The following KIF20B variants were observed in gnomAD, a reference collection of about 807,000 sequenced individuals.
The protein encoded by KIF20B is kinesin family member 20B, also known as kinesin-like protein KIF20B.
Under a neutral mutation model 232.5 loss-of-function variants are expected in KIF20B, and 188 were observed. The ratio of observed to expected loss-of-function variants is 0.81; its 90% CI spans 0.72 to 0.91. The LOEUF (loss-of-function observed/expected upper bound fraction) is 0.91, where lower values mean the gene tolerates loss of function less well. Among genes scored for constraint, KIF20B ranks in the 40% least tolerant of loss-of-function variants. KIF20B has a pLI of 0.00. For synonymous variants in KIF20B, 712 were observed against 683.0 expected (o/e 1.04, Z -0.66); for missense variants, 2,154 against 2,055.9 (o/e 1.05, Z -0.92).
At chr10:89,738,658 G>A in intron 20 of KIF20B, 41 bp downstream of exon 20, 3 of 1,503,536 alleles carry the variant, frequency 2.0e-6, no homozygotes, top group South Asian at 1.4e-5. Context: ...AATACACAAA[G>A]CATTCATTTT....
intron 13 of KIF20B, among the ~76,000 whole-genome samples, chr10:89,723,348 CTTTA>C (rs1843107564): frequency 6.6e-6 from 1 of 151,908 alleles, no homozygotes; most frequent in Admixed American, 6.6e-5. Context: ...TTATTTATTG[CTTTA>C]TTTATATATT....
At chr10:89,764,949 T>C (rs1191048575) in intron 29 of KIF20B, among the ~76,000 whole-genome samples, 5 of 151,704 alleles carry the variant, frequency 3.3e-5, no homozygotes, top group African/African-American at 9.7e-5. Flanking sequence ...GCTTTTGGTG[T>C]TTTAGACATG....
At chr10:89,725,225 C>T (rs1380930732) in intron 15 of KIF20B, 67 bp downstream of exon 15, 3 of 1,354,902 alleles carry the variant, frequency 2.2e-6, no homozygotes, top group Admixed American at 1.9e-5. Flanking sequence ...TGTACCACAT[C>T]AATGATGAGA....
intron 2 of KIF20B, among the ~76,000 whole-genome samples, chr10:89,706,682 A>G (rs1195461668): frequency 6.6e-6 from 1 of 151,850 alleles, no homozygotes; most frequent in African/African-American, 2.4e-5. Context: ...ATCTATTGAA[A>G]AGACTTTCCT....
At chr10:89,767,788 G>A (rs1263661727) in intron 29 of KIF20B, among the ~76,000 whole-genome samples, 1 of 151,218 alleles carries the variant, frequency 6.6e-6, no homozygotes, top group Non-Finnish European at 1.5e-5. Context: ...ATTGTCAAAT[G>A]TCAATGAGAG....
chr10:89,713,438 T>TA (rs34298097), intron 6 of KIF20B, among the ~76,000 whole-genome samples: 15 of 150,960 alleles, frequency 9.9e-5, no homozygotes, highest in South Asian at 2.1e-4. Flanking sequence ...ATTAAAATGT[T>TA]AAAAAAAAAT....
At chr10:89,702,776 T>G (rs10082422) in intron 1 of KIF20B, among the ~76,000 whole-genome samples, 46,788 of 149,874 alleles carry the variant, frequency 0.31, 8,215 homozygotes, top group African/African-American at 0.47. Flanking sequence ...TTTTTTGGAA[T>G]AGTATTTTCT....
In KIF20B at chr10:89,705,313, C is replaced by A. The variant is rs776275732; in HGVS notation, c.19C>A (p.Gln7Lys). Residue 7 changes from glutamine (Q) to lysine (K), a missense_variant, in exon 2 of 33, where the codon CAA (glutamine) becomes AAA (lysine). Gln to Lys is a moderately conservative substitution (Grantham distance 53). Coordinates refer to ENST00000371728, the MANE Select transcript of KIF20B (RefSeq NM_001284259.2). ...TTGCAGAATGGAATCTAATTTTAAT[C>A]AAGAGGGAGTACCTCGACCATCTTA... MESNFN[Q>K]EGVPRPSYVF... 1.9e-6 allele frequency: 3 copies of A among 1,613,578 alleles called. No individual in the cohort carries two copies. The highest frequency in any genetic ancestry group is 2.5e-6 in the Non-Finnish European group (3 of 1,179,858).
chr10:89,723,841 A>G (rs1439039226), intron 13 of KIF20B, 123 bp from the exon 14 acceptor site: 1 of 841,180 alleles, frequency 1.2e-6, no homozygotes, highest in Non-Finnish European at 1.6e-6. Context: ...CATTATCACT[A>G]TTAAAAAGGA....
intron 14 of KIF20B, 91 bp downstream of exon 14, chr10:89,724,194 GT>G: frequency 8.1e-7 from 1 of 1,231,604 alleles, no homozygotes; most frequent in African/African-American, 1.6e-5. Flanking sequence ...TTTATATTAG[GT>G]GGCTTCTGAA....
rs1166808244 is a variant in KIF20B at position 89,741,942 on chromosome 10, A to C, written c.3916-1866A>C. 2.0e-5 allele frequency among the ~76,000 whole-genome samples: 3 copies of C among 152,218 alleles called. No individual in the cohort carries two copies. In the East Asian group the frequency reaches 5.8e-4, roughly 29 times the overall value. On this transcript the variant is annotated intron_variant, in intron 21 of 32. Coordinates refer to ENST00000371728, the MANE Select transcript of KIF20B (RefSeq NM_001284259.2). Reference sequence around the variant, plus strand: ...TGTTCAAGTAACTTTTATTTTACTTAATAATGGTCTCAACATGCAAAAGTA... The same window carrying C: ...TGTTCAAGTAACTTTTATTTTACTTCATAATGGTCTCAACATGCAAAAGTA...
intron 23 of KIF20B, 137 bp from the exon 24 acceptor site, chr10:89,751,206 GAAT>G: frequency 6.4e-6 from 4 of 621,634 alleles, no homozygotes; most frequent in Non-Finnish European, 1.1e-5. Flanking sequence ...ATATTGCGAT[GAAT>G]AAGACAAAGT....
At chr10:89,717,538 T>G in intron 10 of KIF20B, 38 bp from the exon 11 acceptor site, 1 of 1,591,448 alleles carries the variant, frequency 6.3e-7, no homozygotes. Context: ...GTAATTGTTT[T>G]GAAGAACTTT....
At chr10:89,765,419 A>G (rs1442004947) in intron 29 of KIF20B, among the ~76,000 whole-genome samples, 1 of 152,172 alleles carries the variant, frequency 6.6e-6, no homozygotes, top group Non-Finnish European at 1.5e-5. Context: ...TTCCATGCTC[A>G]TGTGTAGGAA....
chr10:89,726,708 A>G (rs1354770831), intron 16 of KIF20B, among the ~76,000 whole-genome samples, 187 bp downstream of exon 16: 4 of 152,090 alleles, frequency 2.6e-5, no homozygotes, highest in African/African-American at 9.7e-5. Context: ...ATATTTTTTG[A>G]CTTCCATTTA....
intron 29 of KIF20B, among the ~76,000 whole-genome samples, chr10:89,767,025 T>C (rs1184411409): frequency 6.6e-6 from 1 of 151,972 alleles, no homozygotes; most frequent in East Asian, 1.9e-4. Context: ...TCATGTATAT[T>C]TCAGAAAAGA....
At chr10:89,764,363 G>T (rs547902370) in intron 29 of KIF20B, among the ~76,000 whole-genome samples, 1 of 152,224 alleles carries the variant, frequency 6.6e-6, no homozygotes, top group Non-Finnish European at 1.5e-5. Context: ...ACATATGTGT[G>T]CATGTGTCTT....
At position 89,738,195 on chromosome 10, in the gene KIF20B, AACTCTT is replaced by A. The variant is rs1228612010; in HGVS notation, c.3356_3361del (p.Thr1119_Leu1120del). 1.2e-6 allele frequency: 2 copies of A among 1,606,460 alleles called. No individual in the cohort carries two copies. The highest frequency in any genetic ancestry group is 1.3e-5 in the African/African-American group (1 of 74,332). ...AAGATGACCTACTAAAAGAAAAAGA[AACTCTT>A]ATACAGCAGCTGAAAGAAGAATTGC... On this transcript the variant is annotated inframe_deletion, in exon 20 of 33. Transcript: ENST00000371728.
intron 24 of KIF20B, among the ~76,000 whole-genome samples, chr10:89,751,716 A>G (rs1353791895): frequency 1.3e-5 from 2 of 152,046 alleles, no homozygotes; most frequent in Non-Finnish European, 2.9e-5. Flanking sequence ...ATTGCAAGTT[A>G]TGGATGATAA....
Sources: gnomAD v4.1 joint callset for allele counts (sites outside exome capture counted in the v4.1 genomes callset) on GRCh38, gnomAD v4.1.1 for gene constraint, MANE v1.5 for transcripts, NCBI Gene and HGNC (gene_info 2026-07-23, HGNC 2026-07-21) for gene names.